QSER1: variants seen among roughly 807,000 people sequenced by gnomAD.
The protein encoded by QSER1 is glutamine and serine-rich protein 1.
Under a neutral mutation model 158.5 loss-of-function variants are expected in QSER1, and 49 were observed. The observed-to-expected ratio is 0.31, with a 90% CI of 0.25 to 0.39. The LOEUF is 0.39. Ranked by LOEUF, QSER1 falls within the 10% of genes least tolerant of loss-of-function variation. QSER1 has a pLI of 1.00. For synonymous variants in QSER1, 650 were observed against 715.5 expected (o/e 0.91, Z 1.46); for missense variants, 1,754 against 2,010.3 (o/e 0.87, Z 2.44).
chr11:32,917,632 C>T (rs1318013386), intron 1 of QSER1, among the ~76,000 whole-genome samples: 1 of 151,860 alleles, frequency 6.6e-6, no homozygotes, highest in African/African-American at 2.4e-5. Context: ...TCAAGACCAG[C>T]CTAGCCAACA....
intron 3 of QSER1, among the ~76,000 whole-genome samples, chr11:32,928,406 G>A (rs1305120105): frequency 1.3e-5 from 2 of 152,118 alleles, no homozygotes; most frequent in Non-Finnish European, 2.9e-5. Flanking sequence ...GCAATTACTT[G>A]TCTACTTGAA....
rs1420183297 is a variant in QSER1, at chr11:32,980,018, A to T, written c.*3544A>T. The T allele has an allele frequency of 6.6e-6, 1 of 152,610 alleles. No homozygotes were observed. The highest frequency in any genetic ancestry group is 2.4e-5 in the African/African-American group (1 of 41,464). 9.5% of individuals were successfully genotyped at this position (152,610 alleles called of 1,614,324 possible). ...GCATAACTGCACAAATGAACAGTGT[A>T]TACTCTTGGTTGTGCATTAACTTAC... On this transcript the variant is annotated 3_prime_UTR_variant, in exon 13 of 13. Transcript: ENST00000650167.
rs919270673 is a variant in QSER1 at position 32,895,825 on chromosome 11, A to C, written c.209+2491A>C. On this transcript the variant is annotated intron_variant, in intron 1 of 12. Coordinates refer to ENST00000650167, the MANE Select transcript of QSER1 (RefSeq NM_001076786.3). ...ATCAGTTGATGGGAAGGTACATGAT[A>C]AACAGCTTTTCATGAGTTTGAAACA... Among the ~76,000 whole-genome samples the C allele has an allele frequency of 4.6e-5, 7 of 152,234 alleles. No individual in the cohort carries two copies. The East Asian group carries it at 1.3e-3, about 29-fold the overall frequency.
intron 1 of QSER1, among the ~76,000 whole-genome samples, chr11:32,894,406 G>A (rs999739381): frequency 5.9e-5 from 9 of 152,188 alleles, no homozygotes; most frequent in Non-Finnish European, 1.2e-4. Flanking sequence ...ATGGACCAGG[G>A]AATCCTGGGT....
At chr11:32,915,244 A>T (rs149260894) in intron 1 of QSER1, among the ~76,000 whole-genome samples, 9,016 of 152,012 alleles carry the variant, frequency 0.059, 392 homozygotes, top group South Asian at 0.11. Flanking sequence ...ATTTTTTTTT[A>T]AAATGTGACA....
chr11:32,916,109 C>T (rs1026045929), intron 1 of QSER1, among the ~76,000 whole-genome samples: 4 of 152,114 alleles, frequency 2.6e-5, no homozygotes, highest in Admixed American at 6.6e-5. Flanking sequence ...CTATGTTGGT[C>T]AGGCTGGTCT....
chr11:32,957,257 T>TC (rs987116565), intron 7 of QSER1, among the ~76,000 whole-genome samples: 35 of 150,380 alleles, frequency 2.3e-4, no homozygotes, highest in African/African-American at 4.9e-5. Flanking sequence ...TTCTCCTGCC[T>TC]CAGCCTCCCG....
rs144498660 is a variant in QSER1, at chr11:32,915,259, C to T, written c.210-11898C>T. 1.3e-3 allele frequency among the ~76,000 whole-genome samples: 197 copies of T among 152,126 alleles called. 7 individuals are homozygous for T. In the East Asian group the frequency reaches 0.034, roughly 26 times the overall value. On this transcript the variant is annotated intron_variant, in intron 1 of 12. Transcript: ENST00000650167. The stretch of plus-strand genomic sequence containing the variant: ...ATTTTTTTTTAAAATGTGACAGTGA[C>T]GGAAAGAAGATGATACTTCCCTTTG...
intron 7 of QSER1, among the ~76,000 whole-genome samples, chr11:32,956,507 A>G (rs980303591): frequency 1.3e-5 from 2 of 150,900 alleles, no homozygotes; most frequent in Non-Finnish European, 2.9e-5. Context: ...ATAATTATTG[A>G]TAAAAAAACT....
chr11:32,938,853 G>A (rs989926648), intron 4 of QSER1, among the ~76,000 whole-genome samples: 2 of 152,058 alleles, frequency 1.3e-5, no homozygotes, highest in Admixed American at 6.6e-5. Flanking sequence ...TAATGGAACT[G>A]TATCTTGTAT....
chr11:32,905,179 T>A (rs1403832743), intron 1 of QSER1, among the ~76,000 whole-genome samples: 1 of 152,240 alleles, frequency 6.6e-6, no homozygotes, highest in Non-Finnish European at 1.5e-5. Flanking sequence ...AATGAAATTT[T>A]CATATGGCCT....
intron 4 of QSER1, among the ~76,000 whole-genome samples, chr11:32,943,430 G>T (rs902714479): frequency 6.6e-6 from 1 of 152,052 alleles, no homozygotes; most frequent in African/African-American, 2.4e-5. Flanking sequence ...TTTATTGAGG[G>T]TTTTTAGCAT....
chr11:32,955,777 T>C (rs1404880311), intron 6 of QSER1, among the ~76,000 whole-genome samples: 1 of 152,208 alleles, frequency 6.6e-6, no homozygotes, highest in East Asian at 1.9e-4. Context: ...ATACTTAATG[T>C]AGCTGGAAGT....
At chr11:32,947,750 A>G (rs1251925443) in intron 4 of QSER1, among the ~76,000 whole-genome samples, 2 of 152,160 alleles carry the variant, frequency 1.3e-5, no homozygotes, top group Non-Finnish European at 2.9e-5. Context: ...GTTTTCCATT[A>G]TGTTATATTA....
Position 32,932,047 on chromosome 11 carries a change from C to T in QSER1, c.789C>T (p.Tyr263=), listed in dbSNP as rs753568167. 13 of 1,614,234 alleles carry T rather than the reference C, an allele frequency of 8.1e-6. No individual in the cohort carries two copies. The highest frequency in any genetic ancestry group is 9.3e-6 in the Non-Finnish European group (11 of 1,180,042). ...SNSIPPQSST[Y]RSAQESAPHL... is the part of the protein sequence containing the mutation. Reference sequence around the variant, plus strand: ...GCATACCACCTCAGTCTTCAACATACCGCTCAGCTCAAGAGTCTGCACCCC... The same window carrying T: ...GCATACCACCTCAGTCTTCAACATATCGCTCAGCTCAAGAGTCTGCACCCC... The change falls in exon 4 of 13, where the codon TAC becomes TAT. Residue 263 remains tyrosine (Y), a synonymous_variant. Transcript: ENST00000650167.
chr11:32,954,186 T>G lies in QSER1; in HGVS notation c.4500+7T>G, dbSNP rs375300944. On this transcript the variant is annotated splice_region_variant and intron_variant, in intron 5 of 12. Transcript: ENST00000650167. The stretch of plus-strand genomic sequence containing the variant: ...AGACATAGAGACTTTTAAGGTGATG[T>G]CAGTGTTCACCAGTGTAAAGGTCAT... 1 of 1,608,826 alleles carries G rather than the reference T, an allele frequency of 6.2e-7. No individual in the cohort carries two copies. Among genetic ancestry groups the G allele is most frequent in the Non-Finnish European group, 8.5e-7 (1 of 1,178,048 alleles).
Position 32,955,413 on chromosome 11 carries a change from GT to G in QSER1, c.4617+2del. 1 of 1,476,902 alleles carries G rather than the reference GT, an allele frequency of 6.8e-7. No homozygotes were observed. The highest frequency in any genetic ancestry group is 9.3e-7 in the Non-Finnish European group (1 of 1,074,504). The allele number at this position is 1,476,902 out of a possible 1,614,324, so 91.5% of individuals were successfully genotyped here. On this transcript the variant is annotated splice_donor_variant, in intron 6 of 12. Transcript: ENST00000650167. LOFTEE classifies it high-confidence loss of function. ...AAGAGAATTTGCTGCTACAAATAGT[GT>G]AAGTAAAATGCATGTTTACATTAGC...
intron 1 of QSER1, among the ~76,000 whole-genome samples, chr11:32,894,261 G>A (rs1338550278): frequency 6.6e-6 from 1 of 152,174 alleles, no homozygotes; most frequent in Non-Finnish European, 1.5e-5. Flanking sequence ...ATGTGTAGTA[G>A]TGCCACACTG....
In QSER1 at chr11:32,893,861, G is replaced by A. The variant is rs1851519127; in HGVS notation, c.209+527G>A. Among the ~76,000 whole-genome samples, 1 of 152,208 alleles carries A rather than the reference G, an allele frequency of 6.6e-6. No individual in the cohort carries two copies. Among genetic ancestry groups the A allele is most frequent in the Admixed American group, 6.5e-5 (1 of 15,290 alleles). Reference sequence around the variant, plus strand: ...GGGCTGGGCTACGGGAGAATCCCCGGGGCGCAGGGCAGAAGAGGGGGCCCG... The same window carrying A: ...GGGCTGGGCTACGGGAGAATCCCCGAGGCGCAGGGCAGAAGAGGGGGCCCG... On this transcript the variant is annotated intron_variant, in intron 1 of 12. Transcript: ENST00000650167. This position sits in a 1 kb window ranked among gnomAD's most constrained non-coding sequence, Gnocchi z 4.7.
Sources: gnomAD v4.1 joint callset for allele counts (sites outside exome capture counted in the v4.1 genomes callset) on GRCh38, gnomAD v4.1.1 for gene constraint, Gnocchi (gnomAD v3.1) non-coding constraint, MANE v1.5 for transcripts, NCBI Gene and HGNC (gene_info 2026-07-23, HGNC 2026-07-21) for gene names.